The following EDARADD variants were observed in gnomAD, a reference collection of about 807,000 sequenced individuals.
EDARADD encodes ectodysplasin-A receptor-associated adapter protein.
In EDARADD, 20 loss-of-function variants were observed where a neutral mutation model predicts 25.6. The observed-to-expected ratio is 0.78, with a 90% CI of 0.55 to 1.14. The LOEUF is 1.14. Among genes scored for constraint, EDARADD ranks in the 50% most tolerant of loss-of-function variants. The probability of loss-of-function intolerance (pLI) is 0.00; values close to 1 mark genes in which losing one functional copy is unlikely to be tolerated. For synonymous variants in EDARADD, 86 were observed against 94.4 expected, an observed-to-expected ratio of 0.91 and a Z score of 0.52; for missense variants, 225 against 270.1, an observed-to-expected ratio of 0.83 and a Z score of 1.17.
chr1:236,387,160 C>T (rs549715540), intron 3 of EDARADD, among the ~76,000 whole-genome samples: 8 of 75,440 alleles, frequency 1.1e-4, no homozygotes, highest in African/African-American at 1.7e-4. Context: ...GGGTCAGCCC[C>T]CCGCCCGGCC....
chr1:236,439,553 A>G (rs1227885477), intron 4 of EDARADD, among the ~76,000 whole-genome samples: 2 of 152,182 alleles, frequency 1.3e-5, no homozygotes, highest in East Asian at 1.9e-4. Context: ...TGTAATAGGT[A>G]TGTAGTGGTA....
At chr1:236,368,719 C>T (rs1021311700) in intron 3 of EDARADD, among the ~76,000 whole-genome samples, 23 of 152,082 alleles carry the variant, frequency 1.5e-4, no homozygotes, top group Admixed American at 1.0e-3. Context: ...GGATTACAGG[C>T]GTGAGCCACC....
chr1:236,464,432 T>TGC (rs1437769628), intron 4 of EDARADD, among the ~76,000 whole-genome samples: 5 of 97,162 alleles, frequency 5.1e-5, no homozygotes, highest in Non-Finnish European at 1.2e-4. Flanking sequence ...ACTTTTTTTT[T>TGC]TTTTTTTTTT....
chr1:236,449,825 G>C (rs1178970823), intron 4 of EDARADD, among the ~76,000 whole-genome samples: 1 of 152,166 alleles, frequency 6.6e-6, no homozygotes, highest in Non-Finnish European at 1.5e-5. Context: ...AGGCGGCTGG[G>C]CGCGGTGGCT....
chr1:236,447,897 G>A (rs947563979), intron 4 of EDARADD, among the ~76,000 whole-genome samples: 6 of 151,662 alleles, frequency 4.0e-5, no homozygotes, highest in South Asian at 2.1e-4. Flanking sequence ...GTGCAAAGGC[G>A]CAATCTCGGC....
chr1:236,394,590 T>C, intron 1 of EDARADD, 85 bp downstream of exon 1: 1 of 1,178,962 alleles, frequency 8.5e-7, no homozygotes, highest in Non-Finnish European at 1.2e-6. Context: ...TTCTTGGATA[T>C]ATTATACACT....
At chr1:236,405,726 T>TTTCTTTCG (rs1667697159) in intron 1 of EDARADD, among the ~76,000 whole-genome samples, 1 of 16,680 alleles carries the variant, frequency 6.0e-5, no homozygotes, top group East Asian at 1.5e-3. Context: ...TTCCTTTCTT[T>TTTCTTTCG]TTCTTTCTTT....
chr1:236,357,044 A>G (rs948528736), intron 3 of EDARADD, among the ~76,000 whole-genome samples: 1 of 151,602 alleles, frequency 6.6e-6, no homozygotes, highest in African/African-American at 2.4e-5. Context: ...AGATTGCGCC[A>G]CTGCACTCCA....
intron 4 of EDARADD, among the ~76,000 whole-genome samples, chr1:236,463,050 T>G (rs1659079586): frequency 1.8e-5 from 2 of 112,234 alleles, no homozygotes. Context: ...GTTATTACAT[T>G]AATTTACACA....
chr1:236,480,540 G>A (rs1659642643), intron 5 of EDARADD, among the ~76,000 whole-genome samples: 1 of 152,024 alleles, frequency 6.6e-6, no homozygotes, highest in South Asian at 2.1e-4. Context: ...GATCACCAGA[G>A]TTACTCCGTC....
intron 3 of EDARADD, among the ~76,000 whole-genome samples, chr1:236,424,493 T>C (rs531362416): frequency 2.6e-5 from 4 of 152,246 alleles, no homozygotes; most frequent in African/African-American, 9.6e-5. Flanking sequence ...GGTTTCTTTT[T>C]ATCTTTCTTT....
intron 5 of EDARADD, among the ~76,000 whole-genome samples, chr1:236,479,930 C>G (rs1659622523): frequency 6.6e-6 from 1 of 151,438 alleles, no homozygotes; most frequent in African/African-American, 2.4e-5. Context: ...CACCTAGTCC[C>G]AGCTGCTTGG....
rs35531700 is a variant in EDARADD at position 236,478,359 on chromosome 1, ATGTGTGTG to A, written c.266-3888_266-3881del. Among the ~76,000 whole-genome samples, 22 of 144,804 alleles carry A rather than the reference ATGTGTGTG, an allele frequency of 1.5e-4. No individual in the cohort carries two copies. The South Asian group carries it at 2.9e-3, about 19-fold the overall frequency. 95.0% of individuals were successfully genotyped at this position (144,804 alleles called of 152,430 possible). On this transcript the variant is annotated intron_variant, in intron 5 of 5. Transcript: ENST00000334232. ...TAGTTTATCCAAAATCCATATATAT[ATGTGTGTG>A]TGTGTGTGTGTGTGTGTGTATGGAT...
In EDARADD at chr1:236,436,624, CAAAA is replaced by C. The variant is rs5781885; in HGVS notation, c.219+9191_219+9194del. Among the ~76,000 whole-genome samples, 16 of 94,214 alleles carry C rather than the reference CAAAA, an allele frequency of 1.7e-4. No homozygotes were observed. The South Asian group carries it at 3.8e-3, about 22-fold the overall frequency. 61.8% of individuals were successfully genotyped at this position (94,214 alleles called of 152,430 possible). ...CATGGGTGACAGAGCAAGATCTTGT[CAAAA>C]AAAAAAAAAAAAAAAAGTAAGAACC... On this transcript the variant is annotated intron_variant, in intron 4 of 5. Transcript: ENST00000334232.
At chr1:236,470,812 T>C (rs2103036853) in intron 5 of EDARADD, among the ~76,000 whole-genome samples, 1 of 152,330 alleles carries the variant, frequency 6.6e-6, no homozygotes, top group East Asian at 1.9e-4. Flanking sequence ...TTTGCCATGT[T>C]GGCCAGGTTG....
At chr1:236,437,207 A>G (rs1466427091) in intron 4 of EDARADD, among the ~76,000 whole-genome samples, 3 of 152,210 alleles carry the variant, frequency 2.0e-5, no homozygotes, top group Non-Finnish European at 4.4e-5. Context: ...CAAAAGATAG[A>G]GAGGACACCT....
intron 3 of EDARADD, among the ~76,000 whole-genome samples, chr1:236,376,433 A>G (rs1294425649): frequency 6.6e-6 from 1 of 152,160 alleles, no homozygotes; most frequent in Non-Finnish European, 1.5e-5. Flanking sequence ...TGCAGGATAT[A>G]GAATTTCAGA....
chr1:236,385,537 A>G (rs1296327097), intron 3 of EDARADD, among the ~76,000 whole-genome samples: 2 of 151,846 alleles, frequency 1.3e-5, no homozygotes, highest in Non-Finnish European at 2.9e-5. Flanking sequence ...CAGCCTGGCC[A>G]ACATGCTGAA....
chr1:236,447,178 T>TTC (rs1363956258), intron 4 of EDARADD, among the ~76,000 whole-genome samples: 4 of 79,234 alleles, frequency 5.0e-5, no homozygotes, highest in African/African-American at 2.5e-4. Context: ...CCCTCTTTCT[T>TTC]TCTTTCTTTC....
Sources: gnomAD v4.1 joint callset for allele counts (sites outside exome capture counted in the v4.1 genomes callset) on GRCh38, gnomAD v4.1.1 for gene constraint, MANE v1.5 for transcripts, NCBI Gene and HGNC (gene_info 2026-07-23, HGNC 2026-07-21) for gene names.